Variants in STK32A observed in about 807,000 individuals in gnomAD.
The protein encoded by STK32A is serine/threonine kinase 32A.
A neutral mutation model predicts 53.2 loss-of-function variants in STK32A; 41 were observed. The observed-to-expected ratio is 0.77, with a 90% confidence interval of 0.60 to 1.00. STK32A has a LOEUF of 1.00. Among genes scored for constraint, STK32A ranks in the 50% least tolerant of loss-of-function variants. The probability of loss-of-function intolerance (pLI) is 0.00; values close to 1 mark genes in which losing one functional copy is unlikely to be tolerated. For synonymous variants in STK32A, 166 were observed against 162.8 expected, an observed-to-expected ratio of 1.02 and a Z score of -0.15; for missense variants, 458 against 485.8, an observed-to-expected ratio of 0.94 and a Z score of 0.54.
intron 2 of STK32A, among the ~76,000 whole-genome samples, chr5:147,260,886 T>C (rs944317576): frequency 1.3e-5 from 2 of 152,304 alleles, no homozygotes; most frequent in Admixed American, 1.3e-4. Flanking sequence ...TTTGTGATCA[T>C]TCATGCACAC....
chr5:147,235,927 T>A (rs1293093771), intron 1 of STK32A, among the ~76,000 whole-genome samples: 1 of 152,108 alleles, frequency 6.6e-6, no homozygotes, highest in African/African-American at 2.4e-5. Flanking sequence ...TAACTGAGAG[T>A]GTTATTAACT....
the STK32A span, chr5:147,395,474 A>G: frequency 8.7e-6 from 13 of 1,497,420 alleles, no homozygotes; most frequent in Non-Finnish European, 1.1e-5. Context: ...CTTCAGGTTG[A>G]GTTCTGAGGA....
chr5:147,361,875 G>A (rs1241873425), intron 8 of STK32A, among the ~76,000 whole-genome samples: 2 of 152,144 alleles, frequency 1.3e-5, no homozygotes, highest in African/African-American at 4.8e-5. Context: ...CCCAAAGAGG[G>A]GAAATCAATA....
chr5:147,348,272 A>G (rs1561738150), intron 6 of STK32A, among the ~76,000 whole-genome samples: 1 of 152,326 alleles, frequency 6.6e-6, no homozygotes, highest in Non-Finnish European at 1.5e-5. Flanking sequence ...AAAGGAAAAT[A>G]CTCAACATTC....
chr5:147,370,665 T>C lies in STK32A; in HGVS notation c.672T>C (p.His224=). 1.2e-6 allele frequency: 2 copies of C among 1,609,452 alleles called. No individual in the cohort carries two copies. The highest frequency in any genetic ancestry group is 1.1e-5 in the South Asian group (1 of 90,924). The change falls in exon 9 of 13, where the codon CAT becomes CAC. Residue 224 remains histidine, a synonymous_variant. Coordinates refer to ENST00000397936, the MANE Select transcript of STK32A (RefSeq NM_001112724.2). ...YELLRGRRPY[H]IRSSTSSKEI... is the part of the protein sequence containing the mutation. ...TTTTCTCCCTTAAGAGACCGTATCATATTCGCTCCAGTACTTCCAGCAAGG... is the reference window on the plus strand; with the variant it reads ...TTTTCTCCCTTAAGAGACCGTATCACATTCGCTCCAGTACTTCCAGCAAGG...
chr5:147,256,574 C>A (rs371423025), intron 2 of STK32A, among the ~76,000 whole-genome samples: 4 of 152,092 alleles, frequency 2.6e-5, no homozygotes, highest in East Asian at 3.9e-4. Flanking sequence ...TGCAATGGCG[C>A]AATCTTGGCT....
intron 2 of STK32A, among the ~76,000 whole-genome samples, chr5:147,247,621 T>C (rs1753813736): frequency 6.6e-6 from 1 of 152,178 alleles, no homozygotes; most frequent in African/African-American, 2.4e-5. Context: ...ATACTAAATA[T>C]TTTACACTTT....
chr5:147,388,696 G>C (rs1757730653), downstream of STK32A, among the ~76,000 whole-genome samples: 1 of 152,188 alleles, frequency 6.6e-6, no homozygotes, highest in Non-Finnish European at 1.5e-5. Context: ...TTTGGAACCA[G>C]AGGGCCCTTT....
At chr5:147,298,490 A>T (rs1320628573) in intron 4 of STK32A, among the ~76,000 whole-genome samples, 1 of 152,206 alleles carries the variant, frequency 6.6e-6, no homozygotes, top group African/African-American at 2.4e-5. Context: ...GTTATGCTCT[A>T]CTAGTTTTCT....
chr5:147,258,686 CTT>C (rs55773750), intron 2 of STK32A, among the ~76,000 whole-genome samples: 80 of 148,728 alleles, frequency 5.4e-4, no homozygotes, highest in Admixed American at 8.0e-4. Context: ...TCTCCCTCTC[CTT>C]TTTTTTTTTT....
At chr5:147,377,503 A>G (rs929069003) in intron 11 of STK32A, among the ~76,000 whole-genome samples, 5 of 152,006 alleles carry the variant, frequency 3.3e-5, no homozygotes, top group African/African-American at 1.2e-4. Flanking sequence ...TTCTGTTGCT[A>G]TTGAAAACTC....
chr5:147,278,219 T>C (rs1208914646), intron 3 of STK32A, 40 bp downstream of exon 3: 2 of 1,537,132 alleles, frequency 1.3e-6, no homozygotes, highest in East Asian at 2.3e-5. Flanking sequence ...AGCAGGGTTA[T>C]GTAGCCCAGG....
chr5:147,307,831 ATT>A (rs1270315892), intron 4 of STK32A, among the ~76,000 whole-genome samples: 1 of 151,928 alleles, frequency 6.6e-6, no homozygotes, highest in Admixed American at 6.6e-5. Flanking sequence ...ACAGAACCAT[ATT>A]TGTTATTAAT....
At chr5:147,291,938 G>C (rs1265792983) in intron 4 of STK32A, among the ~76,000 whole-genome samples, 8 of 152,146 alleles carry the variant, frequency 5.3e-5, no homozygotes, top group Non-Finnish European at 1.5e-5. Flanking sequence ...AGTTGGCTTT[G>C]CTGGAACTTT....
At chr5:147,346,559 T>C (rs1755703220) in intron 6 of STK32A, among the ~76,000 whole-genome samples, 1 of 152,202 alleles carries the variant, frequency 6.6e-6, no homozygotes. Flanking sequence ...ACATCAGAAT[T>C]TGCCTTAAAA....
intron 2 of STK32A, among the ~76,000 whole-genome samples, chr5:147,256,235 ACTAGTG>A (rs1289436760): frequency 6.6e-6 from 1 of 152,236 alleles, no homozygotes; most frequent in Admixed American, 6.5e-5. Flanking sequence ...CACTAAGTGA[ACTAGTG>A]TTGGGAGACA....
intron 4 of STK32A, among the ~76,000 whole-genome samples, chr5:147,282,627 G>A (rs11950257): frequency 6.6e-6 from 1 of 152,130 alleles, no homozygotes; most frequent in South Asian, 2.1e-4. Flanking sequence ...CACCAAAAGC[G>A]AGGAGGGGTA....
At chr5:147,389,995 T>C (rs1757759426), downstream of STK32A, among the ~76,000 whole-genome samples, 1 of 152,212 alleles carries the variant, frequency 6.6e-6, no homozygotes, top group African/African-American at 2.4e-5. Flanking sequence ...TACACTTGAG[T>C]CTGCCTGACT....
At chr5:147,264,679 A>T (rs1754729047) in intron 2 of STK32A, among the ~76,000 whole-genome samples, 1 of 152,216 alleles carries the variant, frequency 6.6e-6, no homozygotes, top group Non-Finnish European at 1.5e-5. Flanking sequence ...GAGCAAGAAC[A>T]TGAGCTAAAT....
Sources: gnomAD v4.1 joint callset for allele counts (sites outside exome capture counted in the v4.1 genomes callset) on GRCh38, gnomAD v4.1.1 for gene constraint, MANE v1.5 for transcripts, NCBI Gene and HGNC (gene_info 2026-07-23, HGNC 2026-07-21) for gene names.